The following NTAQ1 variants were observed in gnomAD, a reference collection of about 807,000 sequenced individuals.
NTAQ1 encodes protein N-terminal glutamine amidohydrolase.
Under a neutral mutation model 28.2 loss-of-function variants are expected in NTAQ1, and 21 were observed. The ratio of observed to expected loss-of-function variants is 0.74; its 90% confidence interval spans 0.53 to 1.07. The LOEUF (loss-of-function observed/expected upper bound fraction) is 1.07. Ranked by LOEUF, NTAQ1 falls within the 50% of genes least tolerant of loss-of-function variation. The probability of loss-of-function intolerance (pLI) is 0.00; values close to 1 mark genes in which losing one functional copy is unlikely to be tolerated. For missense variants in NTAQ1, 264 were observed against 256.6 expected, an observed-to-expected ratio of 1.03 and a Z score of -0.20; for synonymous variants, 105 against 90.0, an observed-to-expected ratio of 1.17 and a Z score of -0.94.
intron 3 of NTAQ1, among the ~76,000 whole-genome samples, chr8:123,432,634 C>CA (rs920799155): frequency 5.4e-4 from 76 of 140,394 alleles, no homozygotes; most frequent in African/African-American, 1.1e-3. Flanking sequence ...GACTTCATCT[C>CA]AAAAAAAAAA....
At chr8:123,446,522 A>G (rs1815293758), downstream of NTAQ1, among the ~76,000 whole-genome samples, 1 of 139,150 alleles carries the variant, frequency 7.2e-6, no homozygotes, top group Admixed American at 7.4e-5. Flanking sequence ...TTGTCTTTGG[A>G]GCCCTCCTCC....
chr8:123,447,331 T>C (rs950751647), intron 6 of NTAQ1, among the ~76,000 whole-genome samples: 2 of 144,004 alleles, frequency 1.4e-5, no homozygotes, highest in African/African-American at 5.1e-5. Flanking sequence ...TTATAATTAA[T>C]ATATGAACGT....
rs562161764 is a variant in NTAQ1, at chr8:123,432,718, C to T, written c.234+2685C>T. ...TTTTTGAGATGGAGTCTCACTCTGT[C>T]GCCTAGGCTGGAGTGCAGTGGTGTG... On this transcript the variant is annotated intron_variant, in intron 3 of 5. Coordinates refer to ENST00000287387, the MANE Select transcript of NTAQ1 (RefSeq NM_018024.3). Among the ~76,000 whole-genome samples the T allele has an allele frequency of 1.2e-3, 179 of 147,606 alleles. 2 individuals carry two copies. Among genetic ancestry groups the T allele is most frequent in the African/African-American group, 4.3e-3 (171 of 40,018 alleles).
At chr8:123,458,061 T>TTA (rs1563905728) in intron 6 of NTAQ1, among the ~76,000 whole-genome samples, 1 of 112,082 alleles carries the variant, frequency 8.9e-6, no homozygotes, top group Non-Finnish European at 1.7e-5. Context: ...AGATTTAAAA[T>TTA]AAAAAAAAAA....
chr8:123,443,677 C>T (rs141717503), downstream of NTAQ1, among the ~76,000 whole-genome samples: 84 of 152,228 alleles, frequency 5.5e-4, no homozygotes, highest in African/African-American at 1.8e-3. Flanking sequence ...CAGGCTCAAG[C>T]GATCCTCCCA....
downstream of NTAQ1, among the ~76,000 whole-genome samples, chr8:123,443,477 C>G (rs1355201182): frequency 2.0e-5 from 3 of 152,240 alleles, no homozygotes; most frequent in African/African-American, 7.2e-5. Context: ...TCAGCTTGCC[C>G]TTGAATTCTT....
intron 6 of NTAQ1, among the ~76,000 whole-genome samples, chr8:123,462,163 A>G (rs1815841118): frequency 6.6e-6 from 1 of 152,066 alleles, no homozygotes; most frequent in South Asian, 2.1e-4. Context: ...CTCATGCCTT[A>G]GCCTCCCGAG....
chr8:123,459,800 C>CTTTTTT (rs35644112), intron 6 of NTAQ1, among the ~76,000 whole-genome samples: 1 of 119,604 alleles, frequency 8.4e-6, no homozygotes, highest in Non-Finnish European at 1.7e-5. Flanking sequence ...ATACATCATT[C>CTTTTTT]TTTTTTTTTT....
At chr8:123,443,509 C>G (rs1179781948), downstream of NTAQ1, among the ~76,000 whole-genome samples, 22 of 152,232 alleles carry the variant, frequency 1.4e-4, 1 homozygote, top group Admixed American at 1.4e-3. Context: ...GCCAAGAAGT[C>G]TCATGGGCTC....
chr8:123,431,749 C>A (rs865968010), intron 3 of NTAQ1, among the ~76,000 whole-genome samples: 1 of 152,188 alleles, frequency 6.6e-6, no homozygotes, highest in South Asian at 2.1e-4. Flanking sequence ...TTCAGTGTCT[C>A]CCCCTGGTCA....
chr8:123,420,545 C>T (rs567154003), intron 1 of NTAQ1, among the ~76,000 whole-genome samples: 1 of 151,548 alleles, frequency 6.6e-6, no homozygotes, highest in South Asian at 2.1e-4. Flanking sequence ...AGTGTATAAG[C>T]ATCCCCTTTT....
Position 123,425,739 on chromosome 8 carries a change from G to A in NTAQ1, c.84-2185G>A, listed in dbSNP as rs1586932688. Among the ~76,000 whole-genome samples, 3 of 152,244 alleles carry A rather than the reference G, an allele frequency of 2.0e-5. No individual in the cohort carries two copies. The South Asian group carries it at 6.2e-4, about 32-fold the overall frequency. ...GAAATTAGGCTTTGGGCCGGGCGTG[G>A]TGGCTCACACCTGTAATCCCAGTAT... On this transcript the variant is annotated intron_variant, in intron 1 of 5. Coordinates refer to ENST00000287387, the MANE Select transcript of NTAQ1 (RefSeq NM_018024.3).
chr8:123,467,749 A>T (rs956111376), exon 7 of NTAQ1, among the ~76,000 whole-genome samples: 3 of 152,104 alleles, frequency 2.0e-5, no homozygotes, highest in African/African-American at 7.2e-5. Context: ...ATCTATTTTT[A>T]TTTTATTTGT....
chr8:123,418,458 A>AT (rs553410337), intron 1 of NTAQ1, among the ~76,000 whole-genome samples: 166 of 151,670 alleles, frequency 1.1e-3, no homozygotes, highest in South Asian at 5.4e-3. Context: ...AAAAAAAAAA[A>AT]AAAAATAAAA....
downstream of NTAQ1, among the ~76,000 whole-genome samples, chr8:123,471,646 G>T (rs548436499): frequency 6.6e-6 from 1 of 152,302 alleles, no homozygotes; most frequent in East Asian, 1.9e-4. Flanking sequence ...TTCAGTTCAA[G>T]TACAAAGACA....
intron 5 of NTAQ1, among the ~76,000 whole-genome samples, chr8:123,439,761 A>G (rs1814936593): frequency 6.6e-6 from 1 of 151,654 alleles, no homozygotes; most frequent in African/African-American, 2.4e-5. Context: ...AAGTGCTGGG[A>G]TTACAGGGGT....
In NTAQ1 at chr8:123,437,232, G is replaced by A. The variant is rs1814773742; in HGVS notation, c.406G>A (p.Asp136Asn). Residue 136 changes from aspartate (D) to asparagine (N), a missense_variant, in exon 5 of 6, where the codon GAT becomes AAT. Asp to Asn is a conservative substitution (Grantham distance 23). Coordinates refer to ENST00000287387, the MANE Select transcript of NTAQ1 (RefSeq NM_018024.3). Reference protein sequence around the residue: ...FRRKFRVIRADSYLKNFASDR... With the variant: ...FRRKFRVIRANSYLKNFASDR... ...CAGGAAATTTAGAGTGATCCGTGCA[G>A]ATTCATATTTGAAGAACTTTGCTTC... The A allele has an allele frequency of 6.2e-7, 1 of 1,614,014 alleles. No individual in the cohort carries two copies. The highest frequency in any genetic ancestry group is 1.3e-5 in the African/African-American group (1 of 74,928).
the NTAQ1 span, among the ~76,000 whole-genome samples, chr8:123,475,216 C>T: frequency 6.6e-6 from 1 of 152,174 alleles, no homozygotes; most frequent in Non-Finnish European, 1.5e-5. Context: ...CAGGTTGGCT[C>T]CTGTATCCTT....
chr8:123,457,607 A>G (rs1225110457), intron 6 of NTAQ1, among the ~76,000 whole-genome samples: 1 of 152,236 alleles, frequency 6.6e-6, no homozygotes, highest in Non-Finnish European at 1.5e-5. Flanking sequence ...TCCAGTATCC[A>G]GTACCAAATT....
Sources: allele counts gnomAD v4.1 joint callset (sites outside exome capture counted in the v4.1 genomes callset), GRCh38; gene constraint gnomAD v4.1.1; transcripts MANE v1.5; gene names NCBI Gene and HGNC (gene_info 2026-07-23, HGNC 2026-07-21).